The following GAS6 variants were observed in gnomAD, a reference collection of about 807,000 sequenced individuals.
The protein encoded by GAS6 is growth arrest-specific protein 6.
GAS6 carries 41 observed loss-of-function variants against 75.8 expected under a neutral mutation model. The ratio of observed to expected loss-of-function variants is 0.54; its 90% CI spans 0.42 to 0.70. The LOEUF is 0.70. Among genes scored for constraint, GAS6 ranks in the 30% least tolerant of loss-of-function variants. The pLI, the probability that GAS6 is intolerant of heterozygous loss-of-function variation, is 0.00. For missense variants in GAS6, 854 were observed against 940.2 expected (o/e 0.91, Z 1.20); for synonymous variants, 432 against 412.6 (o/e 1.05, Z -0.57).
chr13:113,824,068 C>CTGTCAGGAGCACCGT (rs2051498462), intron 12 of GAS6, among the ~76,000 whole-genome samples: 1 of 142,180 alleles, frequency 7.0e-6, no homozygotes, highest in Non-Finnish European at 1.5e-5. Context: ...GGAGCACGCG[C>CTGTCAGGAGCACCGT]GGTCTGGGGT....
chr13:113,848,005 AGAG>A lies in GAS6; in HGVS notation c.280+18_280+20del. ...ACTATGCCTCTACGACAACCAGAGT[AGAG>A]AAGTAATTGAGACTTACCTAAGTAT... is the stretch of plus-strand genomic sequence containing the variant. On this transcript the variant is annotated intron_variant, in intron 3 of 14. Coordinates refer to ENST00000327773, the MANE Select transcript of GAS6 (RefSeq NM_000820.4). This position sits in a 1 kb window ranked among gnomAD's most constrained non-coding sequence, Gnocchi z 4.8. 6.2e-7 allele frequency: 1 copy of A among 1,609,124 alleles called. No individual in the cohort carries two copies. The highest frequency in any genetic ancestry group is 8.5e-7 in the Non-Finnish European group (1 of 1,176,154).
At chr13:113,854,968 C>T (rs1327241360) in intron 2 of GAS6, among the ~76,000 whole-genome samples, 2 of 152,232 alleles carry the variant, frequency 1.3e-5, no homozygotes, top group Non-Finnish European at 2.9e-5. Flanking sequence ...CCACCCCAGC[C>T]CCGGTGGCAT....
At chr13:113,849,713 A>C (rs931302213) in intron 2 of GAS6, among the ~76,000 whole-genome samples, 1 of 152,238 alleles carries the variant, frequency 6.6e-6, no homozygotes, top group African/African-American at 2.4e-5. Context: ...TGTTGCAAAA[A>C]GGCATTATTC....
chr13:113,856,372 G>A (rs1193806314), intron 2 of GAS6, among the ~76,000 whole-genome samples: 2 of 152,128 alleles, frequency 1.3e-5, no homozygotes, highest in African/African-American at 2.4e-5. Context: ...AGGACACACT[G>A]TAGCCCTCCA....
In GAS6 at chr13:113,846,568, G is replaced by A; in HGVS notation, c.302C>T (p.Ser101Phe). 6.2e-7 allele frequency: 1 copy of A among 1,614,036 alleles called. No homozygotes were observed. The highest frequency in any genetic ancestry group is 1.1e-5 in the South Asian group (1 of 91,082). The change falls in exon 4 of 15, where the codon TCT becomes TTT. Residue 101 changes from serine to phenylalanine, a missense_variant. Transcript: ENST00000327773. ...GAAGCCTGAGTTTTTGGTGTACGGA[G>A]ACCCATACTTGTTGATGCAGTCTGC... is the stretch of plus-strand genomic sequence containing the variant. Reference protein sequence around the residue: ...RYLDCINKYGSPYTKNSGFAT... With the variant: ...RYLDCINKYGFPYTKNSGFAT...
rs1376228146 is a variant in GAS6 at position 113,839,855 on chromosome 13, T to C, written c.344-5A>G. The C allele has an allele frequency of 1.2e-5, 20 of 1,613,398 alleles. No individual in the cohort carries two copies. The highest frequency in any genetic ancestry group is 2.2e-5 in the South Asian group (2 of 91,054). Reference sequence around the variant, plus strand: ...GCGTGCACTGGTCAGGCAGGTCTGATTGGGGACACAAAGTGGAAAATCATG... The same window carrying C: ...GCGTGCACTGGTCAGGCAGGTCTGACTGGGGACACAAAGTGGAAAATCATG... On this transcript the variant is annotated splice_region_variant and splice_polypyrimidine_tract_variant and intron_variant, in intron 4 of 14. Coordinates refer to ENST00000327773, the MANE Select transcript of GAS6 (RefSeq NM_000820.4).
Position 113,823,440 on chromosome 13 carries a change from G to C in GAS6, c.1588C>G (p.Leu530Val). ...GVLFALWAPD[L>V]RAVPLSVALV... Reference sequence around the variant, plus strand: ...GCCACAGAGAGAGGCACGGCACGGAGGTCGGGGGCCCAGAGCGCAAACAGC... The same window carrying C: ...GCCACAGAGAGAGGCACGGCACGGACGTCGGGGGCCCAGAGCGCAAACAGC... Residue 530 changes from leucine to valine, a missense_variant, in exon 13 of 15, where the codon CTC becomes GTC. Coordinates refer to ENST00000327773, the MANE Select transcript of GAS6 (RefSeq NM_000820.4). 1 of 1,612,820 alleles carries C rather than the reference G, an allele frequency of 6.2e-7. No homozygotes were observed. The highest frequency in any genetic ancestry group is 1.1e-5 in the South Asian group (1 of 91,084).
intron 4 of GAS6, chr13:113,841,723 A>C (rs74220493): frequency 2.2e-5 from 1 of 45,646 alleles, no homozygotes; most frequent in Non-Finnish European, 3.7e-5. Flanking sequence ...TCCTCCATAC[A>C]CCCCACAGTT....
chr13:113,857,161 T>G lies in GAS6; in HGVS notation c.255+6414A>C, dbSNP rs117405601. 1.6e-3 allele frequency among the ~76,000 whole-genome samples: 241 copies of G among 152,246 alleles called. 5 individuals carry two copies. In the East Asian group the frequency reaches 0.034, roughly 22 times the overall value. On this transcript the variant is annotated intron_variant, in intron 2 of 14. Coordinates refer to ENST00000327773, the MANE Select transcript of GAS6 (RefSeq NM_000820.4). ...GCACTAACACTGGAAGGAAAAAAAT[T>G]TCACCTATAATTTGAAAACGGAGCC...
intron 2 of GAS6, among the ~76,000 whole-genome samples, chr13:113,856,226 AC>A (rs1349826545): frequency 6.6e-6 from 1 of 152,176 alleles, no homozygotes; most frequent in African/African-American, 2.4e-5. Context: ...CTCAGCCCTC[AC>A]ATGGGTGCCA....
At chr13:113,828,263 CA>C (rs1194818933) in intron 11 of GAS6, among the ~76,000 whole-genome samples, 3 of 150,728 alleles carry the variant, frequency 2.0e-5, no homozygotes, top group Non-Finnish European at 4.4e-5. Context: ...GACTCCGTCT[CA>C]AAAAAAATAA....
chr13:113,821,751 T>C, intron 14 of GAS6: 1 of 538,230 alleles, frequency 1.9e-6, no homozygotes, highest in African/African-American at 1.9e-5. Flanking sequence ...CGTACGTGTT[T>C]CTCAGTCTCA....
intron 6 of GAS6, among the ~76,000 whole-genome samples, chr13:113,836,237 GA>G (rs1239776262): frequency 1.9e-4 from 1 of 5,390 alleles, no homozygotes; most frequent in Non-Finnish European, 4.1e-4. Context: ...GTGGGAGGAG[GA>G]AGGGGGGAGG....
chr13:113,823,358 G>A lies in GAS6; in HGVS notation c.1653+17C>T, dbSNP rs1241219125. ...GGGTCGAGCCGGTCAGGACGCCCTGGGTGGCGGAGGCCCTACCTGCTTCTT... is the reference window on the plus strand; with the variant it reads ...GGGTCGAGCCGGTCAGGACGCCCTGAGTGGCGGAGGCCCTACCTGCTTCTT... On this transcript the variant is annotated intron_variant, in intron 13 of 14. Coordinates refer to ENST00000327773, the MANE Select transcript of GAS6 (RefSeq NM_000820.4). 1.3e-6 allele frequency: 2 copies of A among 1,599,546 alleles called. No individual in the cohort carries two copies.
At chr13:113,835,024 C>T (rs1170706717) in intron 7 of GAS6, among the ~76,000 whole-genome samples, 1 of 152,240 alleles carries the variant, frequency 6.6e-6, no homozygotes, top group South Asian at 2.1e-4. Context: ...ACAGAGGGGC[C>T]GACAGCTGTG....
intron 3 of GAS6, chr13:113,846,885 T>A (rs1387686509): frequency 4.0e-6 from 2 of 493,920 alleles, no homozygotes; most frequent in Non-Finnish European, 7.6e-6. Flanking sequence ...TCACCGGGAA[T>A]GCTCAGTAAG....
chr13:113,829,076 G>A (rs113992892), intron 10 of GAS6, among the ~76,000 whole-genome samples: 8 of 60,238 alleles, frequency 1.3e-4, no homozygotes, highest in African/African-American at 1.8e-4. Flanking sequence ...TCCTCACCTG[G>A]GCCAAGAGGG....
At chr13:113,825,001 C>T (rs1243181353) in intron 12 of GAS6, among the ~76,000 whole-genome samples, 2 of 151,994 alleles carry the variant, frequency 1.3e-5, no homozygotes, top group African/African-American at 4.8e-5. Context: ...GGTGGATCAC[C>T]TAAGGTCGGG....
intron 8 of GAS6, chr13:113,833,473 C>T: frequency 1.0e-6 from 1 of 990,478 alleles, no homozygotes. Context: ...AATAAATGCT[C>T]ACTCTCATCA....
Sources: allele counts gnomAD v4.1 joint callset (sites outside exome capture counted in the v4.1 genomes callset), GRCh38; gene constraint gnomAD v4.1.1; non-coding constraint Gnocchi (gnomAD v3.1); transcripts MANE v1.5; gene names NCBI Gene and HGNC (gene_info 2026-07-23, HGNC 2026-07-21).